PITPNA: variants seen among roughly 807,000 people sequenced by gnomAD.
PITPNA encodes the protein phosphatidylinositol transfer protein alpha isoform.
PITPNA carries 13 observed loss-of-function variants against 50.3 expected under a neutral mutation model. The ratio of observed to expected loss-of-function variants is 0.26; its 90% confidence interval spans 0.17 to 0.41. The LOEUF (loss-of-function observed/expected upper bound fraction) is 0.41. Among genes scored for constraint, PITPNA ranks in the 10% least tolerant of loss-of-function variants. PITPNA has a pLI of 1.00. For synonymous variants in PITPNA, 120 were observed against 119.6 expected, an observed-to-expected ratio of 1.00 and a Z score of -0.02; for missense variants, 207 against 333.4, an observed-to-expected ratio of 0.62 and a Z score of 2.95.
At chr17:1,551,975 G>A (rs562501969) in intron 3 of PITPNA, among the ~76,000 whole-genome samples, 4 of 136,054 alleles carry the variant, frequency 2.9e-5, no homozygotes, top group South Asian at 4.3e-4. Flanking sequence ...ACCCTCTGGC[G>A]AGGAGACTGG....
chr17:1,542,821 C>A (rs184893622), intron 5 of PITPNA, among the ~76,000 whole-genome samples, 199 bp downstream of exon 5: 1 of 152,162 alleles, frequency 6.6e-6, no homozygotes, highest in Non-Finnish European at 1.5e-5. Flanking sequence ...TTAATGGAGC[C>A]GCAGGCCAAT....
intron 9 of PITPNA, among the ~76,000 whole-genome samples, chr17:1,534,977 C>T (rs1309614418): frequency 6.6e-6 from 1 of 152,236 alleles, no homozygotes; most frequent in African/African-American, 2.4e-5. Context: ...CAAACACCCC[C>T]CACCGCACAC....
intron 2 of PITPNA, among the ~76,000 whole-genome samples, chr17:1,556,107 A>T (rs2075733661): frequency 6.6e-6 from 1 of 152,120 alleles, no homozygotes; most frequent in Non-Finnish European, 1.5e-5. Context: ...CAGGATGGGG[A>T]TGGGGTTACT....
intron 6 of PITPNA, 25 bp downstream of exon 6, chr17:1,541,541 G>T (rs2075647902): frequency 1.9e-6 from 3 of 1,566,958 alleles, no homozygotes; most frequent in South Asian, 1.1e-5. Context: ...CCTCACCCCT[G>T]GGGCTTTTGG....
chr17:1,530,664 ATC>A (rs2075575997), intron 10 of PITPNA, among the ~76,000 whole-genome samples: 1 of 152,192 alleles, frequency 6.6e-6, no homozygotes, highest in East Asian at 1.9e-4. Flanking sequence ...ACAGGCATCT[ATC>A]TCTATTCCTC....
At chr17:1,524,045 C>CTTTTTTTT in intron 10 of PITPNA, among the ~76,000 whole-genome samples, 1 of 101,928 alleles carries the variant, frequency 9.8e-6, no homozygotes. Flanking sequence ...TTTCTTTTTT[C>CTTTTTTTT]TTTTTTTTTT....
At chr17:1,527,995 A>G (rs1160753087) in intron 10 of PITPNA, among the ~76,000 whole-genome samples, 1 of 152,232 alleles carries the variant, frequency 6.6e-6, no homozygotes. Flanking sequence ...CAGCCTGGAC[A>G]ACATAGCAAG....
rs1184788040 is a variant in PITPNA at position 1,562,435 on chromosome 17, C to A, written c.20+106G>T. The A allele has an allele frequency of 1.1e-6, 1 of 942,194 alleles. No individual in the cohort carries two copies. The highest frequency in any genetic ancestry group is 1.5e-6 in the Non-Finnish European group (1 of 677,800). The allele number at this position is 942,194 out of a possible 1,614,324, so 58.4% of individuals were successfully genotyped here. A position where few individuals can be genotyped will look rare whatever the true frequency, so the allele number is the denominator to read the frequency against. Reference sequence around the variant, plus strand: ...CCGCCTCAGGCACCCTCCGTCCCTGCTGCCCCTCCGTCCATCCGGGCCCTG... The same window carrying A: ...CCGCCTCAGGCACCCTCCGTCCCTGATGCCCCTCCGTCCATCCGGGCCCTG... On this transcript the variant is annotated intron_variant, in intron 1 of 11. Coordinates refer to ENST00000313486, the MANE Select transcript of PITPNA (RefSeq NM_006224.4). The surrounding 1 kb of genome is among the most constrained non-coding windows in gnomAD (Gnocchi z 6.4).
At position 1,545,917 on chromosome 17, in the gene PITPNA, C is replaced by CTTTTTT. The variant is rs11322049; in HGVS notation, c.289+2373_289+2378dup. Among the ~76,000 whole-genome samples the CTTTTTT allele has an allele frequency of 1.6e-3, 139 of 86,366 alleles. 1 individual carries two copies. The highest frequency in any genetic ancestry group is 6.4e-3 in the African/African-American group (131 of 20,320). The allele number at this position is 86,366 out of a possible 152,430, so 56.7% of individuals were successfully genotyped here. A position where few individuals can be genotyped will look rare whatever the true frequency, so the allele number is the denominator to read the frequency against. On this transcript the variant is annotated intron_variant, in intron 4 of 11. Transcript: ENST00000313486. Reference sequence around the variant, plus strand: ...CACACCCAGCCACACTGCATACTGCCTTTTTTTTTTTTTTTTTTTTTTTTT... The same window carrying CTTTTTT: ...CACACCCAGCCACACTGCATACTGCCTTTTTTTTTTTTTTTTTTTTTTTTTTTTTTT...
At chr17:1,522,446 T>C (rs1420289814) in intron 10 of PITPNA, among the ~76,000 whole-genome samples, 17 of 152,044 alleles carry the variant, frequency 1.1e-4, no homozygotes, top group Admixed American at 6.5e-4. Flanking sequence ...AAAGTTGGCT[T>C]ACTGCAACCT....
At chr17:1,552,769 C>T (rs888721605) in intron 3 of PITPNA, among the ~76,000 whole-genome samples, 10 of 152,002 alleles carry the variant, frequency 6.6e-5, no homozygotes, top group Non-Finnish European at 1.2e-4. Context: ...CTTCAGAGAC[C>T]GAGGCAGACA....
chr17:1,524,221 T>A (rs889630809), intron 10 of PITPNA, among the ~76,000 whole-genome samples: 1 of 150,750 alleles, frequency 6.6e-6, no homozygotes, highest in Non-Finnish European at 1.5e-5. Flanking sequence ...ATTTTTTGTG[T>A]TTTTAGTAGA....
At chr17:1,535,081 A>C in intron 9 of PITPNA, 101 bp downstream of exon 9, 1 of 652,676 alleles carries the variant, frequency 1.5e-6, no homozygotes. Flanking sequence ...AGTCACTGGG[A>C]AGGCCTCAGC....
At chr17:1,556,388 C>T (rs943972704) in intron 2 of PITPNA, among the ~76,000 whole-genome samples, 1 of 152,162 alleles carries the variant, frequency 6.6e-6, no homozygotes, top group Non-Finnish European at 1.5e-5. Context: ...GCAGAAAAAC[C>T]ATCACAAGTG....
At chr17:1,539,519 C>T (rs538218516) in intron 6 of PITPNA, among the ~76,000 whole-genome samples, 1 of 147,152 alleles carries the variant, frequency 6.8e-6, no homozygotes, top group Admixed American at 6.9e-5. Context: ...CCTGAGTGAT[C>T]CTCCTGTTAC....
At chr17:1,524,146 G>A (rs2075531912) in intron 10 of PITPNA, among the ~76,000 whole-genome samples, 1 of 149,046 alleles carries the variant, frequency 6.7e-6, no homozygotes, top group African/African-American at 2.5e-5. Flanking sequence ...CTGGGTTCAC[G>A]CCATTCTCCT....
At chr17:1,535,559 G>T in intron 7 of PITPNA, 41 bp from the exon 8 acceptor site, 1 of 1,214,700 alleles carries the variant, frequency 8.2e-7, no homozygotes, top group Non-Finnish European at 1.2e-6. Context: ...GGGAGTGGGA[G>T]AGGGAGTGAG....
chr17:1,522,094 T>G (rs2075517505), intron 10 of PITPNA, among the ~76,000 whole-genome samples: 1 of 145,722 alleles, frequency 6.9e-6, no homozygotes, highest in Admixed American at 6.7e-5. Context: ...AGACGGAGTC[T>G]CGCTCTGCCG....
chr17:1,526,663 G>A lies in PITPNA; in HGVS notation c.769-5018C>T, dbSNP rs545725705. On this transcript the variant is annotated intron_variant, in intron 10 of 11. Coordinates refer to ENST00000313486, the MANE Select transcript of PITPNA (RefSeq NM_006224.4). ...CAAAGCCAGGTCCTGTTTTCCCACC[G>A]CTTGAAATAAGATGCAACCTCCTAC... Among the ~76,000 whole-genome samples the A allele has an allele frequency of 5.3e-5, 8 of 152,240 alleles. No homozygotes were observed. The South Asian group carries it at 1.0e-3, about 20-fold the overall frequency.
Sources: gnomAD v4.1 joint callset for allele counts (sites outside exome capture counted in the v4.1 genomes callset) on GRCh38, gnomAD v4.1.1 for gene constraint, Gnocchi (gnomAD v3.1) non-coding constraint, MANE v1.5 for transcripts, NCBI Gene and HGNC (gene_info 2026-07-23, HGNC 2026-07-21) for gene names.